CRACD: variants seen among roughly 807,000 people sequenced by gnomAD.
The protein encoded by CRACD is capping protein-inhibiting regulator of actin dynamics.
Under a neutral mutation model 106.8 loss-of-function variants are expected in CRACD, and 56 were observed. The ratio of observed to expected loss-of-function variants is 0.52; its 90% CI spans 0.42 to 0.66. The LOEUF (loss-of-function observed/expected upper bound fraction) is 0.66. Ranked by LOEUF, CRACD falls within the 30% of genes least tolerant of loss-of-function variation. The pLI is 0.00. For synonymous variants in CRACD, 754 were observed against 670.8 expected (o/e 1.12, Z -1.92); for missense variants, 1,730 against 1,623.2 (o/e 1.07, Z -1.13).
intron 1 of CRACD, among the ~76,000 whole-genome samples, chr4:56,118,129 A>G (rs1279127635): frequency 2.0e-5 from 3 of 152,204 alleles, no homozygotes; most frequent in Non-Finnish European, 2.9e-5. Context: ...CAACTGATGG[A>G]CTTTTATCAC....
intron 2 of CRACD, among the ~76,000 whole-genome samples, chr4:56,257,978 G>A (rs1042237784): frequency 1.3e-5 from 2 of 151,644 alleles, no homozygotes; most frequent in East Asian, 3.9e-4. Flanking sequence ...GCTGAGGCAT[G>A]AGAATCGCTT....
chr4:56,283,720 T>C (rs1039253831), intron 3 of CRACD, among the ~76,000 whole-genome samples: 1 of 152,214 alleles, frequency 6.6e-6, no homozygotes, highest in African/African-American at 2.4e-5. Flanking sequence ...CTCCAGTGTT[T>C]TTCCAAGCCT....
Position 56,233,701 on chromosome 4 carries a change from A to T in CRACD, c.-188-38620A>T, listed in dbSNP as rs184605551. Among the ~76,000 whole-genome samples the T allele has an allele frequency of 4.1e-3, 625 of 152,302 alleles. 4 individuals carry two copies. Among genetic ancestry groups the T allele is most frequent in the Non-Finnish European group, 4.1e-3 (276 of 68,024 alleles). On this transcript the variant is annotated intron_variant, in intron 2 of 10. Coordinates refer to ENST00000682029, the MANE Select transcript of CRACD (RefSeq NM_001393381.1). Reference sequence around the variant, plus strand: ...GCAACTTTAGATACTTCGCAGTTTCATATGAATTTGAGAATCAGTCAACTT... The same window carrying T: ...GCAACTTTAGATACTTCGCAGTTTCTTATGAATTTGAGAATCAGTCAACTT...
At chr4:56,264,123 C>T (rs1741865654) in intron 2 of CRACD, among the ~76,000 whole-genome samples, 1 of 152,080 alleles carries the variant, frequency 6.6e-6, no homozygotes, top group South Asian at 2.1e-4. Flanking sequence ...GAAAATGCTA[C>T]ACACTTTTAA....
chr4:56,282,057 A>C (rs1185473863), intron 3 of CRACD, among the ~76,000 whole-genome samples: 1 of 152,192 alleles, frequency 6.6e-6, no homozygotes, highest in Non-Finnish European at 1.5e-5. Context: ...AGTCTCTTCC[A>C]GCAACTCTAG....
intron 1 of CRACD, among the ~76,000 whole-genome samples, chr4:56,077,716 A>G (rs1334827593): frequency 2.0e-5 from 3 of 152,198 alleles, no homozygotes; most frequent in Admixed American, 2.0e-4. Flanking sequence ...TTAGCAGCTC[A>G]TATGTCAGGC....
chr4:56,228,287 A>C (rs150097757), intron 2 of CRACD, among the ~76,000 whole-genome samples: 6 of 152,330 alleles, frequency 3.9e-5, no homozygotes, highest in African/African-American at 1.2e-4. Context: ...ACTCTTTATG[A>C]GAAAAAAATT....
chr4:56,086,195 T>C (rs532286089), intron 1 of CRACD, among the ~76,000 whole-genome samples: 1 of 152,164 alleles, frequency 6.6e-6, no homozygotes, highest in Non-Finnish European at 1.5e-5. Context: ...CCAGCAACTC[T>C]GAATCTTGGG....
chr4:56,164,863 G>A (rs1736084730), intron 1 of CRACD, among the ~76,000 whole-genome samples: 2 of 152,156 alleles, frequency 1.3e-5, no homozygotes, highest in Non-Finnish European at 1.5e-5. Flanking sequence ...GACCTAAAAG[G>A]TTCTAATAAA....
At chr4:56,194,830 A>C (rs148336092) in intron 2 of CRACD, among the ~76,000 whole-genome samples, 32 of 152,276 alleles carry the variant, frequency 2.1e-4, no homozygotes, top group African/African-American at 7.7e-4. Context: ...ATGGACAGGG[A>C]CACCTGGGAC....
chr4:56,253,552 A>T (rs1045788503), intron 2 of CRACD, among the ~76,000 whole-genome samples: 1 of 152,210 alleles, frequency 6.6e-6, no homozygotes, highest in African/African-American at 2.4e-5. Context: ...ATTTCTCCTC[A>T]TTGCTAAGAA....
chr4:56,096,575 G>C (rs752951827), intron 1 of CRACD, among the ~76,000 whole-genome samples: 1 of 152,000 alleles, frequency 6.6e-6, no homozygotes, highest in Non-Finnish European at 1.5e-5. Flanking sequence ...TTAGCTGCAC[G>C]TGGTGGAGTG....
chr4:56,318,768 C>T (rs73159959), intron 8 of CRACD, among the ~76,000 whole-genome samples: 17,127 of 152,234 alleles, frequency 0.11, 1,541 homozygotes, highest in African/African-American at 0.25. Context: ...CCAAATTTGT[C>T]TGACTGAACA....
intron 2 of CRACD, among the ~76,000 whole-genome samples, chr4:56,250,937 C>T (rs901866538): frequency 2.6e-5 from 4 of 152,148 alleles, no homozygotes; most frequent in African/African-American, 9.7e-5. Context: ...GGGAATTTTT[C>T]CTTGATCTAA....
intron 1 of CRACD, among the ~76,000 whole-genome samples, chr4:56,058,121 G>T (rs1732150510): frequency 6.6e-6 from 1 of 151,650 alleles, no homozygotes; most frequent in Non-Finnish European, 1.5e-5. Flanking sequence ...CGTGCCAGGG[G>T]TGCAGTGGCA....
intron 1 of CRACD, among the ~76,000 whole-genome samples, chr4:56,157,909 A>G (rs937809438): frequency 6.6e-6 from 1 of 152,084 alleles, no homozygotes; most frequent in Non-Finnish European, 1.5e-5. Context: ...AAGTTCAGTG[A>G]TGGCATACAT....
At chr4:56,176,804 CTAGGTATTCTTTTTG>C (rs1736603452) in intron 1 of CRACD, among the ~76,000 whole-genome samples, 1 of 151,978 alleles carries the variant, frequency 6.6e-6, no homozygotes, top group Non-Finnish European at 1.5e-5. Context: ...AAATTTATTC[CTAGGTATTCTTTTTG>C]TAGGTTTTGT....
chr4:56,183,305 T>C (rs900222119), intron 2 of CRACD, among the ~76,000 whole-genome samples: 3 of 149,574 alleles, frequency 2.0e-5, no homozygotes, highest in Non-Finnish European at 4.5e-5. Context: ...TAGGGGATTT[T>C]GAAAGCCTTG....
chr4:56,222,924 G>A (rs1038141628), intron 2 of CRACD, among the ~76,000 whole-genome samples: 17 of 151,594 alleles, frequency 1.1e-4, no homozygotes, highest in African/African-American at 3.9e-4. Flanking sequence ...GCAGTGGGCC[G>A]AAATCACGCC....
Sources: gnomAD v4.1 joint callset for allele counts (sites outside exome capture counted in the v4.1 genomes callset) on GRCh38, gnomAD v4.1.1 for gene constraint, MANE v1.5 for transcripts, NCBI Gene and HGNC (gene_info 2026-07-23, HGNC 2026-07-21) for gene names.